DENND1B: variants seen among roughly 807,000 people sequenced by gnomAD.
DENND1B encodes the protein DENN domain containing 1B.
DENND1B carries 59 observed loss-of-function variants against 90.1 expected under a neutral mutation model. That is an observed-to-expected ratio of 0.65 (90% confidence interval 0.53 to 0.81). The LOEUF (loss-of-function observed/expected upper bound fraction) is 0.81. Among genes scored for constraint, DENND1B ranks in the 40% least tolerant of loss-of-function variants. DENND1B has a pLI of 0.00. For missense variants in DENND1B, 862 were observed against 912.6 expected (o/e 0.94, Z 0.71); for synonymous variants, 337 against 324.6 (o/e 1.04, Z -0.41).
intron 3 of DENND1B, among the ~76,000 whole-genome samples, chr1:197,683,041 G>C (rs898781873): frequency 8.5e-5 from 13 of 152,112 alleles, no homozygotes; most frequent in Non-Finnish European, 1.6e-4. Flanking sequence ...TCTGGGGTAG[G>C]GGGAGGAGTG....
rs139108819 is a variant in DENND1B, at chr1:197,601,028, C to A, written c.922-5695G>T. ...TGAGCTACAACAGGTCCAGCCTCTA[C>A]CTATCTCACCCTTAATCTAAATTAG... On this transcript the variant is annotated intron_variant, in intron 13 of 22. Coordinates refer to ENST00000620048, the MANE Select transcript of DENND1B (RefSeq NM_001195215.2). Among the ~76,000 whole-genome samples, 666 of 151,576 alleles carry A rather than the reference C, an allele frequency of 4.4e-3. 10 individuals carry two copies. The highest frequency in any genetic ancestry group is 0.015 in the African/African-American group (623 of 41,396).
Position 197,553,128 on chromosome 1 carries a change from G to A in DENND1B, c.1150-16C>T. 6.6e-7 allele frequency: 1 copy of A among 1,511,936 alleles called. No homozygotes were observed. The highest frequency in any genetic ancestry group is 8.8e-7 in the Non-Finnish European group (1 of 1,131,496). 93.7% of individuals were successfully genotyped at this position (1,511,936 alleles called of 1,614,324 possible). On this transcript the variant is annotated splice_polypyrimidine_tract_variant and intron_variant, in intron 15 of 22. Coordinates refer to ENST00000620048, the MANE Select transcript of DENND1B (RefSeq NM_001195215.2). ...CATCGATAAACTAGAATTAAAAAGT[G>A]TCAAATAAAATGTATCAAATAAAAT...
At chr1:197,695,767 G>A (rs1252523631) in intron 3 of DENND1B, among the ~76,000 whole-genome samples, 6 of 150,992 alleles carry the variant, frequency 4.0e-5, no homozygotes, top group African/African-American at 1.5e-4. Context: ...CCAATTTTTA[G>A]AAATCCACGA....
chr1:197,627,852 T>A (rs1572116868), intron 10 of DENND1B, among the ~76,000 whole-genome samples: 1 of 152,236 alleles, frequency 6.6e-6, no homozygotes, highest in African/African-American at 2.4e-5. Flanking sequence ...AAAATCAATG[T>A]ACAAAAATCA....
intron 20 of DENND1B, among the ~76,000 whole-genome samples, chr1:197,527,002 CATTT>C (rs1208505349): frequency 2.0e-5 from 3 of 151,992 alleles, no homozygotes; most frequent in African/African-American, 4.8e-5. Flanking sequence ...TTAAAACAAA[CATTT>C]AATTATAATC....
intron 6 of DENND1B, among the ~76,000 whole-genome samples, chr1:197,655,947 T>C (rs181125779): frequency 6.6e-6 from 1 of 152,198 alleles, no homozygotes; most frequent in Admixed American, 6.5e-5. Flanking sequence ...AATAATTAGA[T>C]AGTACATTAT....
chr1:197,762,639 G>A (rs1013761550), intron 2 of DENND1B, among the ~76,000 whole-genome samples: 1 of 151,966 alleles, frequency 6.6e-6, no homozygotes, highest in Non-Finnish European at 1.5e-5. Flanking sequence ...TTGTATATTG[G>A]ATTTCTAGAC....
chr1:197,653,012 T>C (rs916323453), intron 6 of DENND1B, among the ~76,000 whole-genome samples: 1 of 151,928 alleles, frequency 6.6e-6, no homozygotes, highest in African/African-American at 2.4e-5. Flanking sequence ...AAAGAATAAA[T>C]CAAAGGAAAA....
intron 10 of DENND1B, among the ~76,000 whole-genome samples, chr1:197,625,516 A>G (rs1308191271): frequency 1.5e-4 from 23 of 152,262 alleles, no homozygotes; most frequent in East Asian, 3.9e-4. Context: ...TGAAGGAAGC[A>G]CTAAACATGG....
chr1:197,693,975 T>G (rs1290008949), intron 3 of DENND1B, among the ~76,000 whole-genome samples: 4 of 151,524 alleles, frequency 2.6e-5, no homozygotes, highest in Non-Finnish European at 5.9e-5. Flanking sequence ...ACAATAATTT[T>G]AAACTTAAAA....
At chr1:197,597,542 A>G (rs1032646251) in intron 13 of DENND1B, among the ~76,000 whole-genome samples, 3 of 151,836 alleles carry the variant, frequency 2.0e-5, no homozygotes, top group Non-Finnish European at 4.4e-5. Flanking sequence ...CAAGAACACA[A>G]TGTTCTCTGG....
chr1:197,763,691 C>T (rs921594141), intron 2 of DENND1B, among the ~76,000 whole-genome samples: 2 of 152,132 alleles, frequency 1.3e-5, no homozygotes, highest in Admixed American at 1.3e-4. Flanking sequence ...AAAAAGATAA[C>T]CACCTGACAA....
At position 197,691,624 on chromosome 1, in the gene DENND1B, T is replaced by G. The variant is rs145059429; in HGVS notation, c.127-17455A>C. Among the ~76,000 whole-genome samples the G allele has an allele frequency of 5.3e-5, 8 of 152,064 alleles. No homozygotes were observed. The East Asian group carries it at 1.2e-3, about 22-fold the overall frequency. ...CTCCTGGGTATTTATCCAAAATAACTGAAATCAGGATCATAAAGGGATATT... is the reference window on the plus strand; with the variant it reads ...CTCCTGGGTATTTATCCAAAATAACGGAAATCAGGATCATAAAGGGATATT... On this transcript the variant is annotated intron_variant, in intron 3 of 22. Transcript: ENST00000620048.
intron 15 of DENND1B, among the ~76,000 whole-genome samples, chr1:197,575,016 G>C (rs1673533384): frequency 6.6e-6 from 1 of 152,116 alleles, no homozygotes; most frequent in African/African-American, 2.4e-5. Context: ...TACCATTCAG[G>C]ACATAGGCAT....
chr1:197,667,379 T>C (rs1335706655), intron 5 of DENND1B, among the ~76,000 whole-genome samples: 1 of 152,124 alleles, frequency 6.6e-6, no homozygotes, highest in Non-Finnish European at 1.5e-5. Flanking sequence ...AAATCCCAAT[T>C]TTCAAGGACA....
In DENND1B at chr1:197,649,528, C is replaced by T. The variant is rs1406082257; in HGVS notation, c.448-2414G>A. On this transcript the variant is annotated intron_variant, in intron 7 of 22. Coordinates refer to ENST00000620048, the MANE Select transcript of DENND1B (RefSeq NM_001195215.2). ...ATGAAATTTGCTCAAGACACATGGA[C>T]CAATGGAACAGAATAGAGAACCCAG... 2.0e-5 allele frequency among the ~76,000 whole-genome samples: 3 copies of T among 152,056 alleles called. No homozygotes were observed. In the East Asian group the frequency reaches 5.8e-4, roughly 29 times the overall value.
intron 3 of DENND1B, among the ~76,000 whole-genome samples, chr1:197,701,246 G>A (rs550122277): frequency 1.8e-4 from 27 of 152,286 alleles, no homozygotes; most frequent in Non-Finnish European, 3.8e-4. Flanking sequence ...ATACTATACT[G>A]CCATACAAAG....
At chr1:197,544,453 G>A (rs143617951) in intron 18 of DENND1B, among the ~76,000 whole-genome samples, 1 of 152,122 alleles carries the variant, frequency 6.6e-6, no homozygotes, top group African/African-American at 2.4e-5. Context: ...TAGACATGAA[G>A]GGTTGGGTTT....
At chr1:197,751,943 AGGAGGAGGAGGAAGGGG>A (rs1653597071) in intron 2 of DENND1B, among the ~76,000 whole-genome samples, 1 of 133,522 alleles carries the variant, frequency 7.5e-6, no homozygotes, top group Non-Finnish European at 1.6e-5. Flanking sequence ...GAGAAGAAGG[AGGAGGAGGAGGAAGGGG>A]GGAGGAGGAG....
Sources: allele counts gnomAD v4.1 joint callset (sites outside exome capture counted in the v4.1 genomes callset), GRCh38; gene constraint gnomAD v4.1.1; transcripts MANE v1.5; gene names NCBI Gene and HGNC (gene_info 2026-07-23, HGNC 2026-07-21).